TUT7: variants seen among roughly 807,000 people sequenced by gnomAD.
TUT7 encodes the protein terminal uridylyl transferase 7, also known as terminal uridylyltransferase 7.
TUT7 carries 33 observed loss-of-function variants against 165.9 expected under a neutral mutation model. The observed-to-expected ratio is 0.20, with a 90% CI of 0.15 to 0.27. TUT7 has a LOEUF of 0.27. Among genes scored for constraint, TUT7 ranks in the 10% least tolerant of loss-of-function variants. The pLI is 1.00. For synonymous variants in TUT7, 552 were observed against 608.1 expected (o/e 0.91, Z 1.36); for missense variants, 1,338 against 1,762.3 (o/e 0.76, Z 4.31).
At chr9:86,341,858 T>G (rs1007225608) in intron 6 of TUT7, among the ~76,000 whole-genome samples, 1 of 152,148 alleles carries the variant, frequency 6.6e-6, no homozygotes, top group Non-Finnish European at 1.5e-5. Context: ...TCCCTGAACC[T>G]TTACCTGCAC....
intron 17 of TUT7, 58 bp from the exon 18 acceptor site, chr9:86,310,867 C>T (rs1304001330): frequency 8.2e-6 from 8 of 974,722 alleles, no homozygotes; most frequent in South Asian, 5.3e-5. Flanking sequence ...ATAAGTAACT[C>T]TTATGTTAAT....
rs764168980 is a variant in TUT7, at chr9:86,308,478, C to G, written c.3789G>C (p.Leu1263=). The G allele has an allele frequency of 6.2e-7, 1 of 1,613,524 alleles. No individual in the cohort carries two copies. The highest frequency in any genetic ancestry group is 2.2e-5 in the East Asian group (1 of 44,858). ...EHVISIRRKS[L]LTTFKKQWTS... Reference sequence around the variant, plus strand: ...TCCACTGTTTCTTAAAAGTTGTAAGCAGACTTTTTCTCCTGATGCTAATAA... The same window carrying G: ...TCCACTGTTTCTTAAAAGTTGTAAGGAGACTTTTTCTCCTGATGCTAATAA... Residue 1263 remains leucine, a synonymous_variant, in exon 22 of 27, where the codon CTG becomes CTC. Coordinates refer to ENST00000375963, the MANE Select transcript of TUT7 (RefSeq NM_024617.4).
chr9:86,352,302 C>A (rs1330911762), intron 2 of TUT7, among the ~76,000 whole-genome samples: 1 of 151,734 alleles, frequency 6.6e-6, no homozygotes, highest in Non-Finnish European at 1.5e-5. Flanking sequence ...ATATTATGAA[C>A]ACATTAATTA....
Position 86,348,254 on chromosome 9 carries a change from G to A in TUT7, c.521-1774C>T, listed in dbSNP as rs1588020104. ...AGAAGTGGATGGCTGCAGAAATTCT[G>A]TCAGATAATGGCAGCTACCATGATG... On this transcript the variant is annotated intron_variant, in intron 2 of 26. Coordinates refer to ENST00000375963, the MANE Select transcript of TUT7 (RefSeq NM_024617.4). Among the ~76,000 whole-genome samples, 5 of 152,284 alleles carry A rather than the reference G, an allele frequency of 3.3e-5. No individual in the cohort carries two copies. In the East Asian group the frequency reaches 7.7e-4, roughly 24 times the overall value.
intron 13 of TUT7, among the ~76,000 whole-genome samples, 168 bp from the exon 14 acceptor site, chr9:86,322,643 A>ATCAT (rs1329408924): frequency 1.3e-5 from 2 of 152,222 alleles, no homozygotes; most frequent in East Asian, 3.8e-4. Flanking sequence ...ATCCTATAGT[A>ATCAT]TCATTAGGAG....
chr9:86,336,288 T>C (rs1351979055), intron 10 of TUT7, among the ~76,000 whole-genome samples: 1 of 152,194 alleles, frequency 6.6e-6, no homozygotes, highest in Non-Finnish European at 1.5e-5. Context: ...GAAAGAGTTA[T>C]TTATCAACTA....
intron 5 of TUT7, among the ~76,000 whole-genome samples, chr9:86,343,696 T>C (rs1831510231): frequency 6.6e-6 from 1 of 152,200 alleles, no homozygotes; most frequent in Admixed American, 6.5e-5. Flanking sequence ...CATTATATTA[T>C]GAACAAAAAG....
In TUT7 at chr9:86,317,292, C is replaced by T; in HGVS notation, c.3217-16G>A. The T allele has an allele frequency of 6.2e-7, 1 of 1,610,298 alleles. No homozygotes were observed. Among genetic ancestry groups the T allele is most frequent in the Non-Finnish European group, 8.5e-7 (1 of 1,178,332 alleles). On this transcript the variant is annotated splice_polypyrimidine_tract_variant and intron_variant, in intron 16 of 26. Coordinates refer to ENST00000375963, the MANE Select transcript of TUT7 (RefSeq NM_024617.4). Reference sequence around the variant, plus strand: ...AGTCCAATCCCTACAACAAAGAAGGCATAAAGAACTTAACCAAAACTGGAA... The same window carrying T: ...AGTCCAATCCCTACAACAAAGAAGGTATAAAGAACTTAACCAAAACTGGAA...
chr9:86,336,255 C>T (rs1199313536), intron 10 of TUT7, among the ~76,000 whole-genome samples: 4 of 152,142 alleles, frequency 2.6e-5, no homozygotes, highest in Non-Finnish European at 5.9e-5. Flanking sequence ...AAGACTTTCA[C>T]ACATTCCTAC....
intron 2 of TUT7, among the ~76,000 whole-genome samples, chr9:86,347,135 CT>C (rs1831846226): frequency 6.6e-6 from 1 of 152,072 alleles, no homozygotes; most frequent in African/African-American, 2.4e-5. Context: ...CTCATTTTAC[CT>C]TTACCTTCAT....
intron 24 of TUT7, 100 bp from the exon 25 acceptor site, chr9:86,303,301 T>C (rs1432561047): frequency 5.3e-6 from 3 of 567,846 alleles, no homozygotes; most frequent in East Asian, 2.8e-5. Flanking sequence ...TCAATGTTGA[T>C]ATAACATTAC....
intron 22 of TUT7, among the ~76,000 whole-genome samples, chr9:86,307,930 G>A (rs1827663772): frequency 6.6e-6 from 1 of 152,114 alleles, no homozygotes; most frequent in Non-Finnish European, 1.5e-5. Flanking sequence ...GGAGGCGGAG[G>A]TTGCAGTGAG....
In TUT7 at chr9:86,323,597, C is replaced by G. The variant is rs1018490496; in HGVS notation, c.2153G>C (p.Ser718Thr). 6.2e-7 allele frequency: 1 copy of G among 1,614,192 alleles called. No individual in the cohort carries two copies. The highest frequency in any genetic ancestry group is 8.5e-7 in the Non-Finnish European group (1 of 1,180,036). The change falls in exon 13 of 27, where the codon AGT becomes ACT. Residue 718 changes from serine to threonine, a missense_variant. Physicochemically the swap from Ser to Thr is moderately conservative, Grantham distance 58. Coordinates refer to ENST00000375963, the MANE Select transcript of TUT7 (RefSeq NM_024617.4). Reference sequence around the variant, plus strand: ...ACAGTCTGAGTTTTCAGGGTGGACACTGATGTGTTCATTTCCCATTTCTTC... The same window carrying G: ...ACAGTCTGAGTTTTCAGGGTGGACAGTGATGTGTTCATTTCCCATTTCTTC... ...PKEEMGNEHI[S>T]VHPENSDCIQ...
intron 2 of TUT7, among the ~76,000 whole-genome samples, chr9:86,346,686 C>A (rs1409888538): frequency 6.6e-6 from 1 of 152,172 alleles, no homozygotes; most frequent in Admixed American, 6.5e-5. Context: ...CCATAGAAAT[C>A]ATCTTTTTGG....
Position 86,287,856 on chromosome 9 carries a change from C to T in TUT7, c.*821G>A, listed in dbSNP as rs1032962848. ...ACAGTCCAGGAGGGCTCCAGTCAGA[C>T]CCAGAATGACACCAGCCACACTTGT... On this transcript the variant is annotated 3_prime_UTR_variant, in exon 27 of 27. Transcript: ENST00000375963. 6.6e-6 allele frequency: 1 copy of T among 152,120 alleles called. No homozygotes were observed. Among genetic ancestry groups the T allele is most frequent in the Non-Finnish European group, 1.5e-5 (1 of 68,020 alleles). 9.4% of individuals were successfully genotyped at this position (152,120 alleles called of 1,614,324 possible).
chr9:86,335,857 C>G (rs1159554629), intron 10 of TUT7, among the ~76,000 whole-genome samples: 1 of 152,158 alleles, frequency 6.6e-6, no homozygotes, highest in Admixed American at 6.5e-5. Flanking sequence ...TGTTTGATCA[C>G]TGCATACCTG....
intron 25 of TUT7, among the ~76,000 whole-genome samples, chr9:86,302,648 G>C (rs1182866267): frequency 8.4e-6 from 1 of 119,744 alleles, no homozygotes; most frequent in East Asian, 2.8e-4. Context: ...ACAGAATCTT[G>C]CTCTTTTGCC....
At chr9:86,317,717 T>C (rs982968480) in intron 16 of TUT7, among the ~76,000 whole-genome samples, 11 of 152,184 alleles carry the variant, frequency 7.2e-5, no homozygotes, top group Non-Finnish European at 2.9e-5. Context: ...GGAGAGTGAT[T>C]AAGCTCAAAT....
Position 86,340,060 on chromosome 9 carries a change from A to C in TUT7, c.1184T>G (p.Val395Gly). Residue 395 changes from valine to glycine, a missense_variant, in exon 8 of 27, where the codon GTG becomes GGG. Coordinates refer to ENST00000375963, the MANE Select transcript of TUT7 (RefSeq NM_024617.4). ...CCTTTGCTTTTCTCTGCACACCACC[A>C]CTGGCACCCTAGCATGGAAGTCTGC... ...VDADFHARVP[V>G]VVCREKQSGL... 1 of 1,613,992 alleles carries C rather than the reference A, an allele frequency of 6.2e-7. No individual in the cohort carries two copies. The highest frequency in any genetic ancestry group is 8.5e-7 in the Non-Finnish European group (1 of 1,179,900).
Sources: allele counts gnomAD v4.1 joint callset (sites outside exome capture counted in the v4.1 genomes callset), GRCh38; gene constraint gnomAD v4.1.1; transcripts MANE v1.5; gene names NCBI Gene and HGNC (gene_info 2026-07-23, HGNC 2026-07-21).